The following CUTC variants were observed in gnomAD, a reference collection of about 807,000 sequenced individuals.
The protein encoded by CUTC is copper homeostasis protein cutC homolog.
In CUTC, 27 loss-of-function variants were observed where a neutral mutation model predicts 36.2. The observed-to-expected ratio is 0.75, with a 90% confidence interval of 0.55 to 1.03. The LOEUF is 1.03. Ranked by LOEUF, CUTC falls within the 50% of genes least tolerant of loss-of-function variation. CUTC has a pLI of 0.00. For missense variants in CUTC, 315 were observed against 343.5 expected, an observed-to-expected ratio of 0.92 and a Z score of 0.66; for synonymous variants, 114 against 118.3, an observed-to-expected ratio of 0.96 and a Z score of 0.24.
Position 99,755,655 on chromosome 10 carries a change from T to G in CUTC, c.738T>G (p.Leu246=). 3 of 1,613,806 alleles carry G rather than the reference T, an allele frequency of 1.9e-6. No homozygotes were observed. The highest frequency in any genetic ancestry group is 2.5e-6 in the Non-Finnish European group (3 of 1,179,748). Residue 246 remains leucine, a synonymous_variant, in exon 9 of 9, where the codon CTT becomes CTG. Transcript: ENST00000370476. ...CATCTGTTGCCATGGGAGCCTCACT[T>G]TCTTGCTCAGAATATTCCCTAAAGG... The part of the protein sequence containing the change: ...RNSSVAMGAS[L]SCSEYSLKVT...
rs199988490 is a variant in CUTC at position 99,747,211 on chromosome 10, G to A, written c.440-46G>A. On this transcript the variant is annotated intron_variant, in intron 5 of 8. Transcript: ENST00000370476. ...TATACTACATTTTGGGAAACTCTGC[G>A]TTAGAGATACCTGTTCAAAATTCAC... 1.1e-3 allele frequency: 1,710 copies of A among 1,605,452 alleles called. 11 individuals are homozygous for A. In the Middle Eastern group the frequency reaches 0.012, roughly 11 times the overall value.
At chr10:99,742,485 G>A (rs1209532601) in intron 3 of CUTC, among the ~76,000 whole-genome samples, 1 of 152,092 alleles carries the variant, frequency 6.6e-6, no homozygotes, top group Non-Finnish European at 1.5e-5. Flanking sequence ...TCATTGCTTA[G>A]TATTGGACAA....
At chr10:99,750,224 T>G in intron 6 of CUTC, 145 bp from the exon 7 acceptor site, 1 of 468,264 alleles carries the variant, frequency 2.1e-6, no homozygotes, top group Non-Finnish European at 3.6e-6. Context: ...CCCAAAGAAA[T>G]AGAGAAGATC....
At chr10:99,735,126 A>C (rs12780568) in intron 1 of CUTC, among the ~76,000 whole-genome samples, 6 of 122,364 alleles carry the variant, frequency 4.9e-5, no homozygotes, top group African/African-American at 1.5e-4. Context: ...AAAAAAAAAA[A>C]CAAACTTAGG....
At chr10:99,752,747 A>G (rs2037429088) in intron 7 of CUTC, among the ~76,000 whole-genome samples, 1 of 152,248 alleles carries the variant, frequency 6.6e-6, no homozygotes, top group Non-Finnish European at 1.5e-5. Flanking sequence ...AATATTTGTG[A>G]TTAATTTCTT....
At chr10:99,732,748 C>T (rs535620865) in intron 1 of CUTC, among the ~76,000 whole-genome samples, 11 of 152,288 alleles carry the variant, frequency 7.2e-5, no homozygotes, top group African/African-American at 2.4e-4. Flanking sequence ...GCCAGTACTC[C>T]GCTGGGATAG....
At chr10:99,743,394 C>G in intron 4 of CUTC, 32 bp downstream of exon 4, 1 of 1,572,688 alleles carries the variant, frequency 6.4e-7, no homozygotes, top group East Asian at 2.2e-5. Context: ...GTAAAAGCCT[C>G]TAATGATAAT....
intron 6 of CUTC, among the ~76,000 whole-genome samples, chr10:99,748,162 G>GT (rs1273466898): frequency 2.0e-5 from 3 of 152,138 alleles, no homozygotes; most frequent in Admixed American, 1.3e-4. Context: ...TGTTGAGCAG[G>GT]TTAATAGTCT....
At chr10:99,736,400 C>T in intron 2 of CUTC, 83 bp downstream of exon 2, 1 of 1,009,218 alleles carries the variant, frequency 9.9e-7, no homozygotes, top group Non-Finnish European at 1.6e-6. Flanking sequence ...TCTCAGAAGC[C>T]CTTGTGATCT....
chr10:99,752,254 C>T (rs1378426416), intron 7 of CUTC, among the ~76,000 whole-genome samples: 1 of 151,960 alleles, frequency 6.6e-6, no homozygotes, highest in Admixed American at 6.6e-5. Flanking sequence ...TGGTGGCGTG[C>T]TCCTGACGTC....
chr10:99,753,663 G>C (rs1031739570), intron 7 of CUTC, among the ~76,000 whole-genome samples: 20 of 152,122 alleles, frequency 1.3e-4, no homozygotes, highest in African/African-American at 4.8e-4. Context: ...CTCCTGCCTT[G>C]GCCTCCCAAA....
At chr10:99,734,119 G>T (rs1393050593) in intron 1 of CUTC, among the ~76,000 whole-genome samples, 1 of 148,070 alleles carries the variant, frequency 6.8e-6, no homozygotes, top group Admixed American at 6.8e-5. Flanking sequence ...GCCCAGGCTG[G>T]AGTGCAGTGG....
intron 1 of CUTC, among the ~76,000 whole-genome samples, chr10:99,732,795 A>C (rs962669967): frequency 6.6e-6 from 1 of 152,178 alleles, no homozygotes; most frequent in African/African-American, 2.4e-5. Flanking sequence ...CCTAACCTGC[A>C]GTTACCTGTA....
intron 7 of CUTC, among the ~76,000 whole-genome samples, chr10:99,751,452 A>G (rs2037417083): frequency 6.6e-6 from 1 of 152,184 alleles, no homozygotes. Context: ...TCAGCCACCC[A>G]AGTAGCTGGG....
At chr10:99,741,115 A>G (rs996448204) in intron 3 of CUTC, among the ~76,000 whole-genome samples, 2 of 152,218 alleles carry the variant, frequency 1.3e-5, no homozygotes, top group Admixed American at 6.5e-5. Context: ...GATGCAAGAC[A>G]TTGTGAATTT....
chr10:99,748,190 C>T (rs1444943945), intron 6 of CUTC, among the ~76,000 whole-genome samples: 2 of 152,054 alleles, frequency 1.3e-5, no homozygotes, highest in Non-Finnish European at 2.9e-5. Flanking sequence ...TCTCTTTCCC[C>T]CTGTGTGAAA....
intron 2 of CUTC, among the ~76,000 whole-genome samples, chr10:99,737,156 G>C (rs1383121762): frequency 1.3e-5 from 2 of 151,854 alleles, no homozygotes; most frequent in African/African-American, 4.8e-5. Context: ...TGTAGTCCCA[G>C]CTACTTGGGA....
intron 5 of CUTC, 32 bp from the exon 6 acceptor site, chr10:99,747,225 T>C: frequency 2.5e-6 from 4 of 1,611,132 alleles, no homozygotes; most frequent in Non-Finnish European, 3.4e-6. Context: ...GAGATACCTG[T>C]TCAAAATTCA....
intron 6 of CUTC, among the ~76,000 whole-genome samples, chr10:99,750,075 A>G (rs968138668): frequency 8.5e-5 from 13 of 152,142 alleles, no homozygotes; most frequent in Non-Finnish European, 1.8e-4. Context: ...AATATGACTT[A>G]GAATTGGGGG....
Sources: gnomAD v4.1 joint callset for allele counts (sites outside exome capture counted in the v4.1 genomes callset) on GRCh38, gnomAD v4.1.1 for gene constraint, MANE v1.5 for transcripts, NCBI Gene and HGNC (gene_info 2026-07-23, HGNC 2026-07-21) for gene names.